Variants in CROCC2 observed in about 807,000 individuals in gnomAD.
CROCC2 encodes the protein ciliary rootlet coiled-coil, rootletin family member 2.
Under a neutral mutation model 177.6 loss-of-function variants are expected in CROCC2, and 163 were observed. The observed-to-expected ratio is 0.92, with a 90% CI of 0.81 to 1.05. CROCC2 has a LOEUF of 1.05. Ranked by LOEUF, CROCC2 falls within the 50% of genes least tolerant of loss-of-function variation. CROCC2 has a pLI of 0.00. For missense variants in CROCC2, 1,929 were observed against 1,797.8 expected (o/e 1.07, Z -1.32); for synonymous variants, 904 against 787.3 (o/e 1.15, Z -2.48).
chr2:240,985,939 C>CG, intron 28 of CROCC2: 1 of 456,520 alleles, frequency 2.2e-6, no homozygotes, highest in African/African-American at 2.0e-5. Context: ...CCCCAGCCCA[C>CG]GGGGTGGCCT....
rs755847571 is a variant in CROCC2 at position 240,932,758 on chromosome 2, G to A, written c.1101G>A (p.Leu367=). 126 of 1,145,890 alleles carry A rather than the reference G, an allele frequency of 1.1e-4. 1 individual carries two copies. Among genetic ancestry groups the A allele is most frequent in the Middle Eastern group, 7.6e-4 (4 of 5,264 alleles). The allele number at this position is 1,145,890 out of a possible 1,614,324, so 71.0% of individuals were successfully genotyped here. The change falls in exon 9 of 32, where the codon TTG becomes TTA. Residue 367 remains leucine, a synonymous_variant. Coordinates refer to ENST00000690015, the MANE Select transcript of CROCC2 (RefSeq NM_001351305.2). The part of the protein sequence containing the change: ...LELAGSSITE[L]GEPRRPLRSP... ...TGGCAGGTAGCAGCATCACTGAATT[G>A]GGGGAGCCACGGCGCCCACTGAGGA...
intron 30 of CROCC2, among the ~76,000 whole-genome samples, chr2:240,990,297 G>A (rs1345586859): frequency 6.6e-6 from 1 of 152,218 alleles, no homozygotes; most frequent in Non-Finnish European, 1.5e-5. Context: ...GGTGGATAAG[G>A]AAGCATAGCC....
intron 27 of CROCC2, among the ~76,000 whole-genome samples, 190 bp downstream of exon 27, chr2:240,968,452 A>T (rs1248461328): frequency 7.2e-5 from 11 of 152,192 alleles, no homozygotes. Context: ...GGGCTGTGGC[A>T]GGCGGCTTTG....
At chr2:240,950,643 C>T in intron 18 of CROCC2, 133 bp downstream of exon 18, 1 of 864,614 alleles carries the variant, frequency 1.2e-6, no homozygotes, top group Non-Finnish European at 1.7e-6. Context: ...ATCCATCCAT[C>T]CATCCAACCA....
chr2:240,934,775 C>G (rs982201478), intron 12 of CROCC2, 141 bp from the exon 13 acceptor site: 1 of 936,398 alleles, frequency 1.1e-6, no homozygotes, highest in Non-Finnish European at 1.5e-6. Context: ...GACCTCCCCA[C>G]TGTGGCGACC....
rs777214738 is a variant in CROCC2 at position 240,960,192 on chromosome 2, G to A, written c.3087+748G>A. Among the ~76,000 whole-genome samples, 10 of 152,390 alleles carry A rather than the reference G, an allele frequency of 6.6e-5. No individual in the cohort carries two copies. The highest frequency in any genetic ancestry group is 1.9e-4 in the East Asian group (1 of 5,190). On this transcript the variant is annotated intron_variant, in intron 20 of 31. Transcript: ENST00000690015. This position sits in a 1 kb window ranked among gnomAD's most constrained non-coding sequence, Gnocchi z 5.0. ...CCCATCGAGCCATCCACTGAGGCAC[G>A]GGGAGGCCCTAGACAAGCTGGGCTC...
chr2:240,938,742 C>T (rs1316459708), intron 14 of CROCC2, among the ~76,000 whole-genome samples: 1 of 151,484 alleles, frequency 6.6e-6, no homozygotes, highest in Non-Finnish European at 1.5e-5. Context: ...TTTCTCTCAG[C>T]CATGTTTGTA....
intron 6 of CROCC2, among the ~76,000 whole-genome samples, chr2:240,930,668 G>T (rs371750366): frequency 9.2e-5 from 14 of 152,094 alleles, no homozygotes; most frequent in African/African-American, 3.4e-4. Context: ...AGCCCCTTGC[G>T]CAGGAGGAGT....
At chr2:240,909,706 A>C (rs2059275438) in intron 1 of CROCC2, among the ~76,000 whole-genome samples, 1 of 152,166 alleles carries the variant, frequency 6.6e-6, no homozygotes, top group Admixed American at 6.5e-5. Context: ...ACTCATCTGG[A>C]GGCTACGCAG....
intron 11 of CROCC2, among the ~76,000 whole-genome samples, chr2:240,934,061 C>T (rs537657482): frequency 6.6e-6 from 1 of 152,340 alleles, no homozygotes; most frequent in Non-Finnish European, 1.5e-5. Context: ...TCCTCTGGCC[C>T]AGTGCCCCAC....
At chr2:240,932,998 C>A (rs2059444194) in intron 9 of CROCC2, 90 bp downstream of exon 9, 1 of 1,472,916 alleles carries the variant, frequency 6.8e-7, no homozygotes, top group African/African-American at 1.4e-5. Flanking sequence ...GGGCCTGCCC[C>A]TGAGCCCCAT....
intron 19 of CROCC2, chr2:240,957,877 C>A: frequency 1.5e-6 from 1 of 668,944 alleles, no homozygotes; most frequent in Non-Finnish European, 1.8e-6. Context: ...ACTGGCCCAG[C>A]AGCTCTCTTG....
In CROCC2 at chr2:240,934,358, G is replaced by C. The variant is rs1407303106; in HGVS notation, c.1674G>C (p.Glu558Asp). Residue 558 changes from glutamate to aspartate, a missense_variant, in exon 12 of 32, where the codon GAG (glutamate) becomes GAC (aspartate). Around this residue, in one of 3 missense-constraint regions of CROCC2, gnomAD observed 1,397 missense variants for 1,239.9 expected, o/e 1.13. Coordinates refer to ENST00000690015, the MANE Select transcript of CROCC2 (RefSeq NM_001351305.2). ...AAGGCCGCCTGCAGCAGCTGGAGGAGAAGGTCTCCGGGCTCAGAGAGGAGC... is the reference window on the plus strand; with the variant it reads ...AAGGCCGCCTGCAGCAGCTGGAGGACAAGGTCTCCGGGCTCAGAGAGGAGC... ...TSQGRLQQLE[E>D]KVSGLREELA... 2.6e-6 allele frequency: 4 copies of C among 1,548,598 alleles called. No homozygotes were observed. The highest frequency in any genetic ancestry group is 2.4e-5 in the East Asian group (1 of 40,934).
chr2:240,976,174 G>GAT (rs2059763151), intron 27 of CROCC2, among the ~76,000 whole-genome samples: 1 of 146,532 alleles, frequency 6.8e-6, no homozygotes, highest in South Asian at 2.2e-4. Context: ...AGCCTCAGAA[G>GAT]CCCAGGCTCA....
At chr2:240,932,951 C>T in intron 9 of CROCC2, 43 bp downstream of exon 9, 7 of 1,537,168 alleles carry the variant, frequency 4.6e-6, no homozygotes, top group Non-Finnish European at 6.1e-6. Flanking sequence ...TCCCTGAGGG[C>T]AGAAACATGA....
At chr2:240,929,447 C>T (rs2059414228) in intron 5 of CROCC2, among the ~76,000 whole-genome samples, 1 of 152,058 alleles carries the variant, frequency 6.6e-6, no homozygotes, top group Non-Finnish European at 1.5e-5. Flanking sequence ...AGACTTCTGG[C>T]TTTCATCTTA....
Position 240,935,428 on chromosome 2 carries a change from A to G in CROCC2, c.2009A>G (p.Glu670Gly). 1.5e-6 allele frequency: 2 copies of G among 1,372,018 alleles called. No individual in the cohort carries two copies. Among genetic ancestry groups the G allele is most frequent in the East Asian group, 5.8e-5 (2 of 34,392 alleles). The allele number at this position is 1,372,018 out of a possible 1,614,324, so 85.0% of individuals were successfully genotyped here. The stretch of plus-strand genomic sequence containing the variant: ...GAGCAGGAACGGGCCCGGGCCGGGG[A>G]GCAGCTGGCACAGGCGGAGCAGCAG... ...TLEQERARAGEQLAQAEQQLA... is the reference protein window; with the variant it reads ...TLEQERARAGGQLAQAEQQLA... Residue 670 changes from glutamate to glycine, a missense_variant, in exon 14 of 32, where the codon GAG becomes GGG. Around this residue, in one of 3 missense-constraint regions of CROCC2, gnomAD observed 1,397 missense variants for 1,239.9 expected, o/e 1.13. Transcript: ENST00000690015.
intron 20 of CROCC2, 104 bp downstream of exon 20, chr2:240,959,548 CTG>C: frequency 7.2e-7 from 1 of 1,393,906 alleles, no homozygotes. Context: ...GAAAGAGAGG[CTG>C]TACCACAGAG....
rs983884761 is a variant in CROCC2 at position 240,922,637 on chromosome 2, CGAG to C, written c.484_486del (p.Glu162del). ...AGGCCCTTGGCCGTCTGGAGGCTGCCGAGGAGAGGTGAGGCCAGGTGCGGGGCA... is the reference window on the plus strand; with the variant it reads ...AGGCCCTTGGCCGTCTGGAGGCTGCCGAGAGGTGAGGCCAGGTGCGGGGCA... On this transcript the variant is annotated inframe_deletion, in exon 4 of 32. Coordinates refer to ENST00000690015, the MANE Select transcript of CROCC2 (RefSeq NM_001351305.2). 3 of 651,042 alleles carry C rather than the reference CGAG, an allele frequency of 4.6e-6. No homozygotes were observed. In the African/African-American group the frequency reaches 5.5e-5, roughly 12 times the overall value. 40.3% of individuals were successfully genotyped at this position (651,042 alleles called of 1,614,324 possible).
Sources: allele counts gnomAD v4.1 joint callset (sites outside exome capture counted in the v4.1 genomes callset), GRCh38; gene constraint gnomAD v4.1.1; regional missense constraint gnomAD v4.1.1; non-coding constraint Gnocchi (gnomAD v3.1); transcripts MANE v1.5; gene names NCBI Gene and HGNC (gene_info 2026-07-23, HGNC 2026-07-21).